UBE3C: variants seen among roughly 807,000 people sequenced by gnomAD.
UBE3C encodes the protein ubiquitin protein ligase E3C, also known as ubiquitin-protein ligase E3C.
A neutral mutation model predicts 129.4 loss-of-function variants in UBE3C; 42 were observed. That is an observed-to-expected ratio of 0.32 (90% CI 0.25 to 0.42). The LOEUF (loss-of-function observed/expected upper bound fraction) is 0.42. Ranked by LOEUF, UBE3C falls within the 10% of genes least tolerant of loss-of-function variation. The pLI, the probability that UBE3C is intolerant of heterozygous loss-of-function variation, is 1.00. For missense variants in UBE3C, 1,049 were observed against 1,319.1 expected (o/e 0.80, Z 3.17); for synonymous variants, 510 against 492.4 (o/e 1.04, Z -0.47).
Position 157,201,797 on chromosome 7 carries a change from A to G in UBE3C, c.1408A>G (p.Met470Val), listed in dbSNP as rs370957160. 4 of 1,610,966 alleles carry G rather than the reference A, an allele frequency of 2.5e-6. No homozygotes were observed. Among genetic ancestry groups the G allele is most frequent in the Non-Finnish European group, 3.4e-6 (4 of 1,178,760 alleles). ...TCTAATATCTTCCATGTCAACACGG[A>G]TGATCACAGGGTATGTATTATACAG... ...WFLISSMSTR[M>V]ITGSMVPLLQ... Residue 470 changes from methionine (M) to valine (V), a missense_variant, in exon 11 of 23, where the codon ATG becomes GTG. Met to Val is a conservative substitution (Grantham distance 21). This residue lies in a region of UBE3C where 314 missense variants were observed against 416.9 expected (regional missense o/e 0.75). Transcript: ENST00000348165.
intron 14 of UBE3C, among the ~76,000 whole-genome samples, chr7:157,220,382 C>T (rs1405827002): frequency 6.6e-6 from 1 of 151,980 alleles, no homozygotes; most frequent in African/African-American, 2.4e-5. Flanking sequence ...TTAAAGTGAT[C>T]TATTTTGCTT....
intron 10 of UBE3C, among the ~76,000 whole-genome samples, chr7:157,191,559 G>T (rs1808967874): frequency 6.6e-6 from 1 of 152,198 alleles, no homozygotes; most frequent in South Asian, 2.1e-4. Flanking sequence ...CAGCCTCCCA[G>T]AGTGCTGGGA....
rs543284615 is a variant in UBE3C, at chr7:157,188,202, C to T, written c.1331+1181C>T. 3.3e-5 allele frequency among the ~76,000 whole-genome samples: 5 copies of T among 152,320 alleles called. No homozygotes were observed. In the East Asian group the frequency reaches 9.7e-4, roughly 29 times the overall value. On this transcript the variant is annotated intron_variant, in intron 10 of 22. Coordinates refer to ENST00000348165, the MANE Select transcript of UBE3C (RefSeq NM_014671.3). ...GCTGTCAGTAAGTAAGCAGGTCTGA[C>T]GTTAATTCACGTTACCCTACAGAAT...
chr7:157,205,774 T>C (rs1315459622), intron 11 of UBE3C, among the ~76,000 whole-genome samples: 1 of 152,176 alleles, frequency 6.6e-6, no homozygotes, highest in Non-Finnish European at 1.5e-5. Flanking sequence ...TCAGGTTGTG[T>C]AGCATGTGGA....
chr7:157,139,981 C>T, intron 1 of UBE3C: 3 of 985,412 alleles, frequency 3.0e-6, no homozygotes, highest in Non-Finnish European at 3.6e-6. Context: ...AGACTCCGGA[C>T]TTACATCTGT....
At chr7:157,160,733 T>C (rs766913597) in intron 1 of UBE3C, among the ~76,000 whole-genome samples, 26 of 152,212 alleles carry the variant, frequency 1.7e-4, no homozygotes, top group Non-Finnish European at 3.4e-4. Flanking sequence ...CCTCAAACTT[T>C]TGCCCACTAA....
intron 9 of UBE3C, among the ~76,000 whole-genome samples, chr7:157,184,627 AT>A (rs921733219): frequency 1.5e-4 from 23 of 152,128 alleles, no homozygotes; most frequent in African/African-American, 5.6e-4. Flanking sequence ...ATAAGTTGTT[AT>A]TTTTTCATTA....
intron 15 of UBE3C, 85 bp from the exon 16 acceptor site, chr7:157,223,169 T>C: frequency 7.2e-7 from 1 of 1,382,860 alleles, no homozygotes; most frequent in Non-Finnish European, 1.0e-6. Flanking sequence ...CAGGATGATT[T>C]CAAGAATCTT....
rs1269440554 is a variant in UBE3C at position 157,268,417 on chromosome 7, G to A, written c.*662G>A. Reference sequence around the variant, plus strand: ...GATACTGTCTGTGGATGTGAGGTGGGGACTTCATTCATTGTCCTATTTCTA... The same window carrying A: ...GATACTGTCTGTGGATGTGAGGTGGAGACTTCATTCATTGTCCTATTTCTA... On this transcript the variant is annotated 3_prime_UTR_variant, in exon 23 of 23. Coordinates refer to ENST00000348165, the MANE Select transcript of UBE3C (RefSeq NM_014671.3). The A allele has an allele frequency of 6.6e-6, 1 of 152,654 alleles. No individual in the cohort carries two copies. The highest frequency in any genetic ancestry group is 1.5e-5 in the Non-Finnish European group (1 of 68,064). The allele number at this position is 152,654 out of a possible 1,614,324, so 9.5% of individuals were successfully genotyped here.
rs776725329 is a variant in UBE3C at position 157,170,380 on chromosome 7, G to A, written c.272G>A (p.Gly91Asp). Residue 91 changes from glycine to aspartate, a missense_variant, in exon 4 of 23, where the codon GGC becomes GAC. Gly to Asp is a moderately conservative substitution (Grantham distance 94, BLOSUM62 -1). Coordinates refer to ENST00000348165, the MANE Select transcript of UBE3C (RefSeq NM_014671.3). Reference sequence around the variant, plus strand: ...GGGGGCGCTTTTCCCATTGCTAATGGCCCCAACCTTACCCTTTTGGTAAGG... The same window carrying A: ...GGGGGCGCTTTTCCCATTGCTAATGACCCCAACCTTACCCTTTTGGTAAGG... The part of the protein sequence containing the change: ...QSGGAFPIAN[G>D]PNLTLLVRQL... 1.3e-5 allele frequency: 20 copies of A among 1,577,234 alleles called. No individual in the cohort carries two copies. The highest frequency in any genetic ancestry group is 1.9e-5 in the Admixed American group (1 of 52,714).
intron 1 of UBE3C, among the ~76,000 whole-genome samples, chr7:157,159,372 C>T (rs1180768993): frequency 1.3e-5 from 2 of 151,600 alleles, no homozygotes; most frequent in East Asian, 3.9e-4. Context: ...GAATGTTTTC[C>T]TAAACCAGTT....
At chr7:157,218,716 A>G (rs1479498723) in intron 14 of UBE3C, among the ~76,000 whole-genome samples, 1 of 152,132 alleles carries the variant, frequency 6.6e-6, no homozygotes, top group Non-Finnish European at 1.5e-5. Context: ...AAGACCCTGC[A>G]AGATGGGTGT....
intron 3 of UBE3C, 34 bp from the exon 4 acceptor site, chr7:157,170,270 A>G (rs779477911): frequency 6.9e-7 from 1 of 1,439,882 alleles, no homozygotes; most frequent in Non-Finnish European, 9.1e-7. Context: ...CAAATACTAT[A>G]TTTATGGGTC....
chr7:157,158,050 C>CTTT (rs60257662), intron 1 of UBE3C, among the ~76,000 whole-genome samples: 4 of 101,116 alleles, frequency 4.0e-5, no homozygotes, highest in Non-Finnish European at 7.4e-5. Context: ...CTCTTTTTTC[C>CTTT]TTTTTTTTTT....
Position 157,201,637 on chromosome 7 carries a change from CTTTTTTT to C in UBE3C, c.1332-69_1332-63del, listed in dbSNP as rs10713758. ...TTGTACGTTGATCTTCAGTGTATCGCTTTTTTTTTTTTTTTTTTTTTAAGAAATGTTT... is the reference window on the plus strand; with the variant it reads ...TTGTACGTTGATCTTCAGTGTATCGCTTTTTTTTTTTTTTAAGAAATGTTT... On this transcript the variant is annotated intron_variant, in intron 10 of 22. Transcript: ENST00000348165. The C allele has an allele frequency of 2.5e-3, 568 of 223,172 alleles. 5 individuals are homozygous for C. Among genetic ancestry groups the C allele is most frequent in the African/African-American group, 0.024 (455 of 18,954 alleles). The allele number at this position is 223,172 out of a possible 1,614,324, so 13.8% of individuals were successfully genotyped here.
At chr7:157,198,930 T>A (rs1304139427) in intron 10 of UBE3C, among the ~76,000 whole-genome samples, 1 of 152,132 alleles carries the variant, frequency 6.6e-6, no homozygotes, top group Admixed American at 6.5e-5. Context: ...AATTTTAAAA[T>A]GTGTATTTTA....
At chr7:157,232,462 G>A (rs906459669) in intron 18 of UBE3C, among the ~76,000 whole-genome samples, 3 of 152,160 alleles carry the variant, frequency 2.0e-5, no homozygotes, top group Non-Finnish European at 2.9e-5. Context: ...AGGTTCAAGG[G>A]ATTGTCCTGC....
chr7:157,163,877 T>C lies in UBE3C; in HGVS notation c.120+14T>C. 6.2e-7 allele frequency: 1 copy of C among 1,612,212 alleles called. No individual in the cohort carries two copies. The highest frequency in any genetic ancestry group is 1.1e-5 in the South Asian group (1 of 90,894). On this transcript the variant is annotated intron_variant, in intron 2 of 22. Coordinates refer to ENST00000348165, the MANE Select transcript of UBE3C (RefSeq NM_014671.3). ...AGAAAGAGAGAGGTAAAAACAGTTT[T>C]GTAATACTCTGTAGATAAGCATTTT...
Position 157,150,855 on chromosome 7 carries a change from C to T in UBE3C, c.66+11517C>T, listed in dbSNP as rs147563185. Among the ~76,000 whole-genome samples, 7 of 152,318 alleles carry T rather than the reference C, an allele frequency of 4.6e-5. No homozygotes were observed. The East Asian group carries it at 1.4e-3, about 29-fold the overall frequency. ...CTGTGTAATAGAGCTTAAAGCAATA[C>T]GTTTTTGTTACCTTGGTCAGTTCTG... On this transcript the variant is annotated intron_variant, in intron 1 of 22. Coordinates refer to ENST00000348165, the MANE Select transcript of UBE3C (RefSeq NM_014671.3).
Sources: allele counts gnomAD v4.1 joint callset (sites outside exome capture counted in the v4.1 genomes callset), GRCh38; gene constraint gnomAD v4.1.1; regional missense constraint gnomAD v4.1.1; transcripts MANE v1.5; gene names NCBI Gene and HGNC (gene_info 2026-07-23, HGNC 2026-07-21).